NINL: variants seen among roughly 807,000 people sequenced by gnomAD.
The protein encoded by NINL is ninein like.
NINL carries 153 observed loss-of-function variants against 160.3 expected under a neutral mutation model. That is an observed-to-expected ratio of 0.95 (90% CI 0.84 to 1.09). NINL has a LOEUF of 1.09. Ranked by LOEUF, NINL falls within the 50% of genes least tolerant of loss-of-function variation. The pLI is 0.00. For synonymous variants in NINL, 800 were observed against 734.8 expected, an observed-to-expected ratio of 1.09 and a Z score of -1.43; for missense variants, 1,829 against 1,764.0, an observed-to-expected ratio of 1.04 and a Z score of -0.66.
intron 19 of NINL, among the ~76,000 whole-genome samples, chr20:25,464,160 T>A (rs2062855599): frequency 6.6e-6 from 1 of 152,214 alleles, no homozygotes; most frequent in South Asian, 2.1e-4. Flanking sequence ...CTCATGCCTG[T>A]AATACCAGTG....
intron 1 of NINL, among the ~76,000 whole-genome samples, chr20:25,529,603 T>C (rs569228018): frequency 6.6e-6 from 1 of 152,046 alleles, no homozygotes; most frequent in East Asian, 1.9e-4. Context: ...ACAATGAAAA[T>C]GGACAGAAAA....
intron 13 of NINL, 32 bp downstream of exon 13, chr20:25,489,212 G>C: frequency 1.2e-6 from 2 of 1,604,590 alleles, no homozygotes; most frequent in Non-Finnish European, 1.7e-6. Flanking sequence ...GCCTGGACAT[G>C]AGACTAAAAG....
chr20:25,461,567 C>A lies in NINL; in HGVS notation c.3651G>T (p.Leu1217=). ...GGGTCTGGGTCAGCTCTGACCATGG[C>A]AGCTGCAGGCTCTGATGTTCCTGAT... The part of the protein sequence containing the change: ...CLNQEHQSLQ[L]PWSELTQTLE... The change falls in exon 21 of 24, where the codon CTG becomes CTT. Residue 1217 remains leucine, a synonymous_variant. Transcript: ENST00000278886. 1 of 1,605,798 alleles carries A rather than the reference C, an allele frequency of 6.2e-7. No homozygotes were observed. Among genetic ancestry groups the A allele is most frequent in the Non-Finnish European group, 8.5e-7 (1 of 1,177,086 alleles).
chr20:25,561,016 G>A (rs1305557275), intron 1 of NINL, among the ~76,000 whole-genome samples: 1 of 129,996 alleles, frequency 7.7e-6, no homozygotes, highest in East Asian at 2.4e-4. Context: ...TCTTTCCACG[G>A]TCTCCCTCTC....
At position 25,478,919 on chromosome 20, in the gene NINL, G is replaced by C. The variant is rs747029065; in HGVS notation, c.2201+4C>G. Reference sequence around the variant, plus strand: ...CTTGAAATCTCAAAAGAAGCTGGCTGGACCTGATCTGCTGCAGGTGGCTGT... The same window carrying C: ...CTTGAAATCTCAAAAGAAGCTGGCTCGACCTGATCTGCTGCAGGTGGCTGT... On this transcript the variant is annotated splice_donor_region_variant and intron_variant, in intron 16 of 23. Coordinates refer to ENST00000278886, the MANE Select transcript of NINL (RefSeq NM_025176.6). The C allele has an allele frequency of 2.0e-6, 3 of 1,518,574 alleles. No homozygotes were observed. Among genetic ancestry groups the C allele is most frequent in the Non-Finnish European group, 2.6e-6 (3 of 1,137,656 alleles). The allele number at this position is 1,518,574 out of a possible 1,614,324, so 94.1% of individuals were successfully genotyped here.
chr20:25,482,633 G>A (rs2063416763), intron 13 of NINL, among the ~76,000 whole-genome samples: 2 of 151,962 alleles, frequency 1.3e-5, no homozygotes, highest in South Asian at 4.2e-4. Flanking sequence ...TTACAGGCGT[G>A]AGCCACCATG....
Position 25,478,973 on chromosome 20 carries a change from C to T in NINL, c.2151G>A (p.Gln717=), listed in dbSNP as rs747421908. ...EQMGLAPCCT[Q]ALCGLALRHH... Reference sequence around the variant, plus strand: ...GCCGCAGGGCCAGGCCACACAGTGCCTGGGTGCAGCAGGGTGCCAGGCCCA... The same window carrying T: ...GCCGCAGGGCCAGGCCACACAGTGCTTGGGTGCAGCAGGGTGCCAGGCCCA... The change falls in exon 16 of 24, where the codon CAG becomes CAA. Residue 717 remains glutamine (Q), a synonymous_variant. Coordinates refer to ENST00000278886, the MANE Select transcript of NINL (RefSeq NM_025176.6). 6 of 1,597,154 alleles carry T rather than the reference C, an allele frequency of 3.8e-6. No homozygotes were observed. Among genetic ancestry groups the T allele is most frequent in the Admixed American group, 1.7e-5 (1 of 59,522 alleles).
chr20:25,540,934 C>CT (rs1436790042), intron 1 of NINL, among the ~76,000 whole-genome samples: 33 of 113,938 alleles, frequency 2.9e-4, no homozygotes, highest in Non-Finnish European at 5.8e-4. Context: ...AAAAGCTATC[C>CT]CTTTTTTTTT....
chr20:25,459,215 G>T (rs1337614188), intron 21 of NINL, among the ~76,000 whole-genome samples: 1 of 152,180 alleles, frequency 6.6e-6, no homozygotes, highest in Non-Finnish European at 1.5e-5. Flanking sequence ...AATCACGCAC[G>T]CTCCATCGGG....
At chr20:25,462,265 TG>T in intron 20 of NINL, 117 bp downstream of exon 20, 1 of 900,948 alleles carries the variant, frequency 1.1e-6, no homozygotes, top group East Asian at 2.6e-5. Flanking sequence ...AAGGCATGCT[TG>T]GGAAGTCCCT....
At chr20:25,574,046 A>C (rs2065086379) in intron 1 of NINL, among the ~76,000 whole-genome samples, 1 of 152,164 alleles carries the variant, frequency 6.6e-6, no homozygotes, top group South Asian at 2.1e-4. Flanking sequence ...GAAGCAGAGA[A>C]ACCAGCCACA....
At chr20:25,529,499 C>T (rs964041783) in intron 1 of NINL, among the ~76,000 whole-genome samples, 2 of 141,670 alleles carry the variant, frequency 1.4e-5, no homozygotes, top group Non-Finnish European at 3.3e-5. Context: ...ATTACTCAAC[C>T]CTTCTCAGAC....
intron 8 of NINL, among the ~76,000 whole-genome samples, 181 bp from the exon 9 acceptor site, chr20:25,498,527 TG>T (rs2063805024): frequency 6.6e-6 from 1 of 152,204 alleles, no homozygotes; most frequent in African/African-American, 2.4e-5. Flanking sequence ...CACGCAACTC[TG>T]GTGGGCTGTC....
At chr20:25,555,435 A>T (rs2064854726) in intron 1 of NINL, among the ~76,000 whole-genome samples, 1 of 152,252 alleles carries the variant, frequency 6.6e-6, no homozygotes, top group Admixed American at 6.5e-5. Context: ...ATAAATGAGA[A>T]TTTTAACACA....
intron 1 of NINL, among the ~76,000 whole-genome samples, chr20:25,545,475 G>GCCC (rs34624874): frequency 3.3e-5 from 5 of 150,996 alleles, no homozygotes; most frequent in South Asian, 2.1e-4. Flanking sequence ...AAAATTCTGA[G>GCCC]CCCCCCCCCA....
chr20:25,568,324 A>G (rs2065017379), intron 1 of NINL, among the ~76,000 whole-genome samples: 2 of 152,084 alleles, frequency 1.3e-5, no homozygotes, highest in African/African-American at 4.8e-5. Context: ...ATAAACTCCT[A>G]TTATTTAGGA....
intron 9 of NINL, among the ~76,000 whole-genome samples, chr20:25,497,700 C>A (rs1362216246): frequency 6.6e-6 from 1 of 152,242 alleles, no homozygotes; most frequent in Non-Finnish European, 1.5e-5. Flanking sequence ...GTTTGAAAAG[C>A]GCCTTTCCTT....
chr20:25,493,840 C>T (rs147666178), intron 10 of NINL, among the ~76,000 whole-genome samples: 1 of 150,196 alleles, frequency 6.7e-6, no homozygotes, highest in African/African-American at 2.5e-5. Context: ...TGGCCCAGCA[C>T]CTCCATGTGG....
intron 16 of NINL, among the ~76,000 whole-genome samples, chr20:25,478,291 T>C (rs1388287944): frequency 1.3e-5 from 2 of 152,146 alleles, no homozygotes; most frequent in Non-Finnish European, 2.9e-5. Flanking sequence ...CTGGCCAGTG[T>C]GGTGGGAGGG....
Sources: allele counts gnomAD v4.1 joint callset (sites outside exome capture counted in the v4.1 genomes callset), GRCh38; gene constraint gnomAD v4.1.1; transcripts MANE v1.5; gene names NCBI Gene and HGNC (gene_info 2026-07-23, HGNC 2026-07-21).